Variants in RAMP1 observed in about 807,000 individuals in gnomAD.
RAMP1 encodes receptor activity-modifying protein 1.
A neutral mutation model predicts 8.2 loss-of-function variants in RAMP1; 7 were observed. The ratio of observed to expected loss-of-function variants is 0.85; its 90% CI spans 0.49 to 1.60. The LOEUF is 1.60. Among genes scored for constraint, RAMP1 ranks in the 40% most tolerant of loss-of-function variants. The pLI is 0.00. For synonymous variants in RAMP1, 92 were observed against 84.7 expected (o/e 1.09, Z -0.47); for missense variants, 192 against 202.4 (o/e 0.95, Z 0.31).
At position 237,911,997 on chromosome 2, in the gene RAMP1, G is replaced by A. The variant is rs2062721292; in HGVS notation, c.*214G>A. The A allele has an allele frequency of 3.9e-6, 3 of 765,824 alleles. No individual in the cohort carries two copies. Among genetic ancestry groups the A allele is most frequent in the East Asian group, 5.5e-5 (2 of 36,618 alleles). 47.4% of individuals were successfully genotyped at this position (765,824 alleles called of 1,614,324 possible). A position where few individuals can be genotyped will look rare whatever the true frequency, so the allele number is the denominator to read the frequency against. On this transcript the variant is annotated 3_prime_UTR_variant, in exon 3 of 3. Transcript: ENST00000254661. Reference sequence around the variant, plus strand: ...GAGGCCACCGCCACCCTAGGAAGGGGGCAGGGACGTGACCTTGACTTACCT... The same window carrying A: ...GAGGCCACCGCCACCCTAGGAAGGGAGCAGGGACGTGACCTTGACTTACCT...
rs546226847 is a variant in RAMP1, at chr2:237,901,715, C to T, written c.192-9813C>T. On this transcript the variant is annotated intron_variant, in intron 2 of 2. Transcript: ENST00000254661. ...AGGTGTGGACGGTGGGCTTGGGCAG[C>T]GGCCAGGGTGTGGGATGTGGCCTGG... Among the ~76,000 whole-genome samples, 56 of 152,168 alleles carry T rather than the reference C, an allele frequency of 3.7e-4. 1 individual carries two copies. Among genetic ancestry groups the T allele is most frequent in the Non-Finnish European group, 4.4e-4 (30 of 68,000 alleles).
intron 1 of RAMP1, among the ~76,000 whole-genome samples, chr2:237,874,199 C>A: frequency 6.6e-6 from 1 of 152,212 alleles, no homozygotes; most frequent in Non-Finnish European, 1.5e-5. Flanking sequence ...GAGGAAGGCC[C>A]AGTAGGCTGG....
intron 2 of RAMP1, among the ~76,000 whole-genome samples, chr2:237,903,276 G>A (rs894374876): frequency 1.3e-5 from 2 of 152,180 alleles, no homozygotes; most frequent in African/African-American, 2.4e-5. Flanking sequence ...CCTGTTGTTT[G>A]CTGTTTTTCA....
intron 1 of RAMP1, 184 bp downstream of exon 1, chr2:237,859,911 G>C (rs984151933): frequency 9.6e-6 from 5 of 522,716 alleles, no homozygotes; most frequent in Middle Eastern, 5.4e-4. Context: ...CAGGGCACAG[G>C]GGAGGCGGAG....
At chr2:237,869,036 C>T (rs1018727197) in intron 1 of RAMP1, among the ~76,000 whole-genome samples, 4 of 152,132 alleles carry the variant, frequency 2.6e-5, no homozygotes, top group African/African-American at 9.7e-5. Context: ...CCATCCCGGT[C>T]ATCATATTAA....
chr2:237,889,466 A>G (rs2062467710), intron 2 of RAMP1, among the ~76,000 whole-genome samples: 1 of 152,238 alleles, frequency 6.6e-6, no homozygotes, highest in South Asian at 2.1e-4. Flanking sequence ...TTTAACACAT[A>G]ATAGCTTCCT....
intron 2 of RAMP1, among the ~76,000 whole-genome samples, chr2:237,883,172 A>G (rs2062389120): frequency 6.6e-6 from 1 of 152,144 alleles, no homozygotes; most frequent in Non-Finnish European, 1.5e-5. Flanking sequence ...GAGCTGCCAC[A>G]TGCCTGCTGC....
upstream of RAMP1, chr2:237,859,416 G>A (rs1276084876): frequency 1.9e-5 from 3 of 154,518 alleles, no homozygotes; most frequent in East Asian, 3.8e-4. Flanking sequence ...GGCCTTCCTG[G>A]GACCCCAAGT....
In RAMP1 at chr2:237,877,205, A is replaced by G. The variant is rs2062315357; in HGVS notation, c.53-19A>G. ...CTCTGCTGCCGCCCGCCATCTCTTC[A>G]TGGCCGTGTCTATTTCAGCCCATCA... On this transcript the variant is annotated intron_variant, in intron 1 of 2. Coordinates refer to ENST00000254661, the MANE Select transcript of RAMP1 (RefSeq NM_005855.4). The surrounding 1 kb of genome is among the most constrained non-coding windows in gnomAD (Gnocchi z 4.4). 6.2e-7 allele frequency: 1 copy of G among 1,613,484 alleles called. No homozygotes were observed. Among genetic ancestry groups the G allele is most frequent in the Non-Finnish European group, 8.5e-7 (1 of 1,179,970 alleles).
rs562971690 is a variant in RAMP1 at position 237,871,121 on chromosome 2, C to T, written c.53-6103C>T. Among the ~76,000 whole-genome samples the T allele has an allele frequency of 1.4e-4, 21 of 152,320 alleles. No homozygotes were observed. The East Asian group carries it at 3.7e-3, about 27-fold the overall frequency. ...CGAGGACCTTTCCTCTTCTCGCAAC[C>T]GCCCCTGCACTGGCTGCTCAGAGGT... On this transcript the variant is annotated intron_variant, in intron 1 of 2. Transcript: ENST00000254661.
intron 1 of RAMP1, among the ~76,000 whole-genome samples, chr2:237,871,756 ATG>A (rs1346496755): frequency 6.6e-6 from 1 of 152,222 alleles, no homozygotes; most frequent in Non-Finnish European, 1.5e-5. Context: ...GTGTTCTAAA[ATG>A]TATGCAAAAA....
chr2:237,906,850 G>T (rs10754944), intron 2 of RAMP1, among the ~76,000 whole-genome samples: 1 of 150,950 alleles, frequency 6.6e-6, no homozygotes, highest in Non-Finnish European at 1.5e-5. Context: ...AGCCTCCCGA[G>T]TAGCTGGGAT....
intron 2 of RAMP1, among the ~76,000 whole-genome samples, chr2:237,897,354 G>C (rs964763134): frequency 3.3e-5 from 5 of 152,220 alleles, no homozygotes; most frequent in Admixed American, 6.5e-5. Flanking sequence ...AACGTGCAGA[G>C]AGGGCTGGCC....
At chr2:237,861,857 A>C (rs1291781477) in intron 1 of RAMP1, among the ~76,000 whole-genome samples, 1 of 151,918 alleles carries the variant, frequency 6.6e-6, no homozygotes, top group African/African-American at 2.4e-5. Flanking sequence ...GTCTCAAAAA[A>C]AAAAAAAACT....
At chr2:237,876,955 G>A (rs1358714167) in intron 1 of RAMP1, among the ~76,000 whole-genome samples, 1 of 152,096 alleles carries the variant, frequency 6.6e-6, no homozygotes, top group African/African-American at 2.4e-5. Context: ...GGGGCAGCCC[G>A]ATGGCATAAT....
rs374371728 is a variant in RAMP1 at position 237,899,310 on chromosome 2, A to C, written c.192-12218A>C. On this transcript the variant is annotated intron_variant, in intron 2 of 2. Transcript: ENST00000254661. ...GGTCGCGAACTCCTGACCTCAGGTGACCCGCCCGCCTCGGCCTCCCAAAGT... is the reference window on the plus strand; with the variant it reads ...GGTCGCGAACTCCTGACCTCAGGTGCCCCGCCCGCCTCGGCCTCCCAAAGT... Among the ~76,000 whole-genome samples the C allele has an allele frequency of 6.2e-4, 95 of 152,180 alleles. 2 individuals are homozygous for C. In the East Asian group the frequency reaches 0.015, roughly 24 times the overall value.
At chr2:237,873,239 T>A (rs1021958791) in intron 1 of RAMP1, among the ~76,000 whole-genome samples, 2 of 152,244 alleles carry the variant, frequency 1.3e-5, no homozygotes, top group Non-Finnish European at 2.9e-5. Flanking sequence ...AGATTCTCTC[T>A]CTACAAACCT....
At chr2:237,894,484 G>C (rs2062517957) in intron 2 of RAMP1, among the ~76,000 whole-genome samples, 1 of 152,166 alleles carries the variant, frequency 6.6e-6, no homozygotes, top group South Asian at 2.1e-4. Flanking sequence ...GGGCCCTTTG[G>C]GCAGCCGCAG....
At chr2:237,874,663 C>T (rs986103136) in intron 1 of RAMP1, 51 of 985,112 alleles carry the variant, frequency 5.2e-5, no homozygotes, top group African/African-American at 1.6e-4. Context: ...GCCTGAGGCA[C>T]GCTTGCTTCA....
Sources: gnomAD v4.1 joint callset for allele counts (sites outside exome capture counted in the v4.1 genomes callset) on GRCh38, gnomAD v4.1.1 for gene constraint, Gnocchi (gnomAD v3.1) non-coding constraint, MANE v1.5 for transcripts, NCBI Gene and HGNC (gene_info 2026-07-23, HGNC 2026-07-21) for gene names.